The following ANO3 variants were observed in gnomAD, a reference collection of about 807,000 sequenced individuals.
ANO3 encodes the protein anoctamin-3.
ANO3 carries 99 observed loss-of-function variants against 144.8 expected under a neutral mutation model. The observed-to-expected ratio is 0.68, with a 90% CI of 0.58 to 0.81. ANO3 has a LOEUF of 0.81. ANO3 is among the 30% of genes least tolerant of loss of function. ANO3 has a pLI of 0.00. For missense variants in ANO3, 905 were observed against 1,202.2 expected (o/e 0.75, Z 3.66); for synonymous variants, 414 against 392.6 (o/e 1.05, Z -0.64).
intron 1 of ANO3, among the ~76,000 whole-genome samples, chr11:26,214,554 T>A (rs183392658): frequency 0.01 from 1,579 of 152,130 alleles, 10 homozygotes; most frequent in South Asian, 0.017. Flanking sequence ...GTTTGTCCTC[T>A]ACTCAATTTA....
chr11:26,213,982 A>G (rs1851987787), intron 1 of ANO3, among the ~76,000 whole-genome samples: 1 of 152,026 alleles, frequency 6.6e-6, no homozygotes, highest in Non-Finnish European at 1.5e-5. Flanking sequence ...ATTTCTATTC[A>G]GACTACTGTA....
chr11:26,424,587 C>A (rs975388749), intron 1 of ANO3, among the ~76,000 whole-genome samples: 3 of 151,986 alleles, frequency 2.0e-5, no homozygotes, highest in Admixed American at 1.3e-4. Flanking sequence ...CCCAAAACTC[C>A]ATATATTTTT....
At position 26,452,677 on chromosome 11, in the gene ANO3, C is replaced by G. The variant is rs369671941; in HGVS notation, c.313+8841C>G. 3.9e-5 allele frequency among the ~76,000 whole-genome samples: 6 copies of G among 152,280 alleles called. No homozygotes were observed. In the East Asian group the frequency reaches 1.2e-3, roughly 30 times the overall value. On this transcript the variant is annotated intron_variant, in intron 3 of 26. Transcript: ENST00000256737. The stretch of plus-strand genomic sequence containing the variant: ...CTCTGCAGGATATTATCCAGGAGAA[C>G]TTCCCCAATCTAGCAAGGCAGGCCA...
chr11:26,603,528 TA>T (rs551651505), intron 17 of ANO3, among the ~76,000 whole-genome samples: 1 of 151,596 alleles, frequency 6.6e-6, no homozygotes, highest in African/African-American at 2.4e-5. Flanking sequence ...TAACCAAAAA[TA>T]AAAAAAAGTT....
intron 24 of ANO3, among the ~76,000 whole-genome samples, chr11:26,655,665 C>T (rs1437186708): frequency 1.3e-5 from 2 of 152,072 alleles, no homozygotes; most frequent in Non-Finnish European, 2.9e-5. Context: ...GTTTTGTTCA[C>T]TGTTAAGTAT....
Position 26,302,856 on chromosome 11 carries a change from A to C in ANO3, c.155-6789A>C, listed in dbSNP as rs531539305. On this transcript the variant is annotated intron_variant, in intron 1 of 27. Coordinates refer to the ANO3 transcript ENST00000672621. ...AAATTTCCTAGTAACTTAAACCAAC[A>C]AGCAAAAAACAAATAACCCTATTAA... is the stretch of plus-strand genomic sequence containing the variant. Among the ~76,000 whole-genome samples, 7 of 152,318 alleles carry C rather than the reference A, an allele frequency of 4.6e-5. No individual in the cohort carries two copies. The South Asian group carries it at 1.5e-3, about 32-fold the overall frequency.
At chr11:26,544,275 C>CATATATATATATAT (rs1424177707) in intron 11 of ANO3, among the ~76,000 whole-genome samples, 1 of 45,240 alleles carries the variant, frequency 2.2e-5, no homozygotes, top group African/African-American at 6.7e-5. Context: ...TATATATATA[C>CATATATATATATAT]ACACATACAC....
At chr11:26,481,435 C>T (rs1860212729) in intron 4 of ANO3, among the ~76,000 whole-genome samples, 1 of 152,166 alleles carries the variant, frequency 6.6e-6, no homozygotes, top group South Asian at 2.1e-4. Flanking sequence ...AATTCTACTA[C>T]ATTCACTAAT....
intron 14 of ANO3, chr11:26,565,494 C>G: frequency 6.2e-7 from 1 of 1,613,284 alleles, no homozygotes; most frequent in African/African-American, 1.3e-5. Flanking sequence ...AGGTGCATTC[C>G]AAGGCACTTT....
chr11:26,467,177 T>TA (rs1282566077), intron 4 of ANO3, among the ~76,000 whole-genome samples: 3 of 151,916 alleles, frequency 2.0e-5, no homozygotes. Flanking sequence ...GGGTACAGAG[T>TA]AAATGTATAT....
intron 23 of ANO3, among the ~76,000 whole-genome samples, chr11:26,647,008 A>T (rs1222694816): frequency 6.6e-6 from 1 of 152,178 alleles, no homozygotes; most frequent in Non-Finnish European, 1.5e-5. Flanking sequence ...GAAAGTTGGC[A>T]TGCTACATAA....
At chr11:26,395,720 G>A (rs1350491566) in intron 1 of ANO3, among the ~76,000 whole-genome samples, 1 of 143,234 alleles carries the variant, frequency 7.0e-6, no homozygotes, top group African/African-American at 2.8e-5. Context: ...AATAAATGGT[G>A]TTGGGAAAAC....
Position 26,624,493 on chromosome 11 carries a change from A to G in ANO3, c.1868A>G (p.Asn623Ser), listed in dbSNP as rs1327002739. 1 of 1,604,036 alleles carries G rather than the reference A, an allele frequency of 6.2e-7. No homozygotes were observed. The highest frequency in any genetic ancestry group is 1.1e-5 in the South Asian group (1 of 90,712). The change falls in exon 18 of 27, where the codon AAT becomes AGT. Residue 623 changes from asparagine to serine, a missense_variant. Asn to Ser is a conservative substitution (Grantham distance 46). Around this residue, in one of 4 missense-constraint regions of ANO3, gnomAD observed 597 missense variants for 865.1 expected, o/e 0.69. Transcript: ENST00000256737. Reference protein sequence around the residue: ...AYEKIAYLLTNLEYPRTESEW... With the variant: ...AYEKIAYLLTSLEYPRTESEW... ...GAAAAAATTGCTTACCTCCTCACCA[A>G]TTTAGGTAAGTCCATTTTTCTTACT...
intron 4 of ANO3, among the ~76,000 whole-genome samples, chr11:26,474,403 C>T (rs1859886188): frequency 6.6e-6 from 1 of 151,790 alleles, no homozygotes; most frequent in African/African-American, 2.4e-5. Flanking sequence ...GAAATAATTA[C>T]AGCATCTACT....
chr11:26,606,187 G>A (rs11512173), intron 17 of ANO3, among the ~76,000 whole-genome samples: 42,353 of 152,002 alleles, frequency 0.28, 6,401 homozygotes, highest in South Asian at 0.46. Flanking sequence ...CCTTAATTTT[G>A]TTATTTACCC....
intron 17 of ANO3, among the ~76,000 whole-genome samples, chr11:26,605,026 A>C (rs545356659): frequency 1.3e-5 from 2 of 152,196 alleles, no homozygotes; most frequent in African/African-American, 2.4e-5. Context: ...GCTTTTGCTC[A>C]TTCAATGTGA....
intron 1 of ANO3, among the ~76,000 whole-genome samples, chr11:26,355,923 A>T (rs1432851581): frequency 2.0e-5 from 3 of 152,038 alleles, no homozygotes; most frequent in Non-Finnish European, 4.4e-5. Context: ...TATGTTGACC[A>T]CTTTGTGAGC....
chr11:26,303,699 A>G (rs999786091), intron 1 of ANO3, among the ~76,000 whole-genome samples: 2 of 152,176 alleles, frequency 1.3e-5, no homozygotes, highest in Non-Finnish European at 2.9e-5. Context: ...AATCTAAAAT[A>G]AAAGTTGAAA....
intron 5 of ANO3, among the ~76,000 whole-genome samples, chr11:26,510,145 A>AG (rs1489728059): frequency 1.6e-4 from 24 of 146,924 alleles, no homozygotes; most frequent in African/African-American, 3.8e-4. Context: ...AAAAAAAAAA[A>AG]AAAAAAAAGA....
Sources: allele counts gnomAD v4.1 joint callset (sites outside exome capture counted in the v4.1 genomes callset), GRCh38; gene constraint gnomAD v4.1.1; regional missense constraint gnomAD v4.1.1; transcripts MANE v1.5; gene names NCBI Gene and HGNC (gene_info 2026-07-23, HGNC 2026-07-21).